Variants in SAMD11 observed in about 807,000 individuals in gnomAD.
The protein encoded by SAMD11 is sterile alpha motif domain containing 11.
Under a neutral mutation model 64.4 loss-of-function variants are expected in SAMD11, and 77 were observed. The observed-to-expected ratio is 1.20, with a 90% CI of 0.99 to 1.44. The LOEUF (loss-of-function observed/expected upper bound fraction) is 1.44, where lower values mean the gene tolerates loss of function less well. SAMD11 is among the 40% of genes most tolerant of loss of function. SAMD11 has a pLI of 0.00. For synonymous variants in SAMD11, 658 were observed against 421.9 expected (o/e 1.56, Z -6.86); for missense variants, 1,402 against 943.3 (o/e 1.49, Z -6.37).
intron 2 of SAMD11, among the ~76,000 whole-genome samples, chr1:928,365 C>T (rs192270610): frequency 3.9e-5 from 6 of 152,212 alleles, no homozygotes; most frequent in Non-Finnish European, 7.3e-5. Context: ...GCACTCCAGC[C>T]TGGGCAACAG....
Position 942,954 on chromosome 1 carries a change from G to A in SAMD11, c.1949G>A (p.Gly650Asp), listed in dbSNP as rs780693928. Residue 650 changes from glycine to aspartate, a missense_variant, in exon 11 of 14, where the codon GGC becomes GAC. By Grantham distance (94) the Gly-to-Asp change is moderately conservative. Coordinates refer to ENST00000616016, the MANE Select transcript of SAMD11 (RefSeq NM_001385641.1). The stretch of plus-strand genomic sequence containing the variant: ...GTTGGGTGCAGGGGGCCCACTCCGG[G>A]CCAAGCTCCAGCTGGAGGGGCCGGC... The part of the protein sequence containing the change: ...AAVGCRGPTP[G>D]QAPAGGAGAE... 88 of 1,546,816 alleles carry A rather than the reference G, an allele frequency of 5.7e-5. No homozygotes were observed. Among genetic ancestry groups the A allele is most frequent in the Non-Finnish European group, 7.5e-5 (86 of 1,147,070 alleles).
intron 7 of SAMD11, 34 bp downstream of exon 7, chr1:939,446 A>T (rs201782804): frequency 2.1e-6 from 3 of 1,423,774 alleles, no homozygotes; most frequent in African/African-American, 1.4e-5. Context: ...CCCCCTCATC[A>T]CCTCCCCAGC....
intron 2 of SAMD11, among the ~76,000 whole-genome samples, chr1:926,648 G>A (rs902214147): frequency 3.9e-5 from 6 of 152,178 alleles, no homozygotes; most frequent in African/African-American, 1.2e-4. Flanking sequence ...CCTCACTGAG[G>A]GAGCAGGCAG....
chr1:932,420 G>A (rs1490753228), intron 4 of SAMD11, among the ~76,000 whole-genome samples: 1 of 152,226 alleles, frequency 6.6e-6, no homozygotes, highest in East Asian at 1.9e-4. Flanking sequence ...GCCCTAGAAG[G>A]GGCTAGGATG....
intron 2 of SAMD11, among the ~76,000 whole-genome samples, chr1:927,411 C>T (rs114385913): frequency 1.3e-3 from 199 of 152,260 alleles, no homozygotes; most frequent in African/African-American, 4.5e-3. Context: ...GTGAGCATCT[C>T]CTCCCCACCC....
chr1:939,022 C>G lies in SAMD11; in HGVS notation c.968-18C>G, dbSNP rs200957513. 3 of 1,580,516 alleles carry G rather than the reference C, an allele frequency of 1.9e-6. No individual in the cohort carries two copies. The highest frequency in any genetic ancestry group is 2.3e-5 in the East Asian group (1 of 43,738). Reference sequence around the variant, plus strand: ...CCATTCCTTGAGATGCAGGTGGGCACTCACTACCCTCCCGCAGGTGACCTG... The same window carrying G: ...CCATTCCTTGAGATGCAGGTGGGCAGTCACTACCCTCCCGCAGGTGACCTG... On this transcript the variant is annotated intron_variant, in intron 5 of 13. Transcript: ENST00000616016.
chr1:926,112 C>A, intron 2 of SAMD11, 99 bp downstream of exon 2: 1 of 1,180,060 alleles, frequency 8.5e-7, no homozygotes, highest in Non-Finnish European at 1.2e-6. Flanking sequence ...CCTAACCTCA[C>A]CCCTGCGGGT....
chr1:943,463 T>C, intron 12 of SAMD11, 86 bp downstream of exon 12: 1 of 1,202,568 alleles, frequency 8.3e-7, no homozygotes, highest in Non-Finnish European at 1.2e-6. Flanking sequence ...GGTAGGGCCA[T>C]TCCCCAACGC....
chr1:937,138 C>T (rs933567251), intron 5 of SAMD11, among the ~76,000 whole-genome samples: 3 of 152,162 alleles, frequency 2.0e-5, no homozygotes, highest in Non-Finnish European at 4.4e-5. Flanking sequence ...GCCCGCTCCC[C>T]GGAGCCTCCT....
At chr1:931,189 G>A (rs1474472355) in intron 4 of SAMD11, 100 bp downstream of exon 4, 16 of 1,062,466 alleles carry the variant, frequency 1.5e-5, no homozygotes, top group East Asian at 2.6e-5. Context: ...CTGTCTCAGC[G>A]TGAGCTGATG....
At chr1:941,643 G>A (rs960057324) in intron 8 of SAMD11, among the ~76,000 whole-genome samples, 1 of 152,156 alleles carries the variant, frequency 6.6e-6, no homozygotes, top group African/African-American at 2.4e-5. Flanking sequence ...GCGCTCAAAT[G>A]TAGACGCCGG....
chr1:930,175 C>T lies in SAMD11; in HGVS notation c.630C>T (p.Asp210=). 6.4e-7 allele frequency: 1 copy of T among 1,558,906 alleles called. No individual in the cohort carries two copies. The highest frequency in any genetic ancestry group is 2.4e-5 in the East Asian group (1 of 41,840). Residue 210 remains aspartate, a synonymous_variant, in exon 3 of 14, where the codon GAC becomes GAT. Coordinates refer to ENST00000616016, the MANE Select transcript of SAMD11 (RefSeq NM_001385641.1). ...ACCAGAACCGGGGGCGGCTGGCAGACAAGAGGACAGTCGCCCTGCCTGCCG... is the reference window on the plus strand; with the variant it reads ...ACCAGAACCGGGGGCGGCTGGCAGATAAGAGGACAGTCGCCCTGCCTGCCG... ...SSPVNRGRLA[D]KRTVALPAAR...
chr1:938,624 C>T (rs570290975), intron 5 of SAMD11, among the ~76,000 whole-genome samples: 1 of 152,022 alleles, frequency 6.6e-6, no homozygotes, highest in African/African-American at 2.4e-5. Flanking sequence ...CTTGTCTCAC[C>T]CCACGCTGGC....
chr1:944,083 C>G lies in SAMD11; in HGVS notation c.2465C>G (p.Ser822Ter), dbSNP rs1642001230. 3 of 1,612,536 alleles carry G rather than the reference C, an allele frequency of 1.9e-6. No homozygotes were observed. The East Asian group carries it at 6.7e-5, about 36-fold the overall frequency. ...GGGHALAGQTSPKQENGTLAL... is the reference protein window; with the variant it reads ...GGGHALAGQT ...GGCCACGCCCTTGCCGGTCAAACTT[C>G]ACCCAAGCAGGAGAATGGGACCTTG... The change falls in exon 14 of 14, where the codon TCA becomes TGA. Residue 822 changes from serine to a stop codon, truncating the protein, a stop_gained. Transcript: ENST00000616016. LOFTEE classifies it high-confidence loss of function.
Position 924,510 on chromosome 1 carries a change from GCGCTGCCGCTGCCGC to G in SAMD11, c.87_101del (p.Leu30_Pro34del). 6.7e-6 allele frequency: 1 copy of G among 150,038 alleles called. No individual in the cohort carries two copies. Among genetic ancestry groups the G allele is most frequent in the South Asian group, 1.9e-4 (1 of 5,334 alleles). 9.3% of individuals were successfully genotyped at this position (150,038 alleles called of 1,614,324 possible). On this transcript the variant is annotated inframe_deletion, in exon 1 of 14. Coordinates refer to ENST00000616016, the MANE Select transcript of SAMD11 (RefSeq NM_001385641.1). ...GGCCACGTTCCACCCGACCCTGGCCGCGCTGCCGCTGCCGCCGCTGCCAGGCTACCTGGCGCCACT... is the reference window on the plus strand; with the variant it reads ...GGCCACGTTCCACCCGACCCTGGCCGCGCTGCCAGGCTACCTGGCGCCACT...
Position 942,541 on chromosome 1 carries a change from C to A in SAMD11, c.1554-18C>A. ...CGCGGCCCGGGAGGCGGCTGACCCG[C>A]GTCTGCCCCCGGCCCAGGCTGGAGC... On this transcript the variant is annotated intron_variant, in intron 10 of 13. Transcript: ENST00000616016. 1 of 1,405,628 alleles carries A rather than the reference C, an allele frequency of 7.1e-7. No homozygotes were observed. The highest frequency in any genetic ancestry group is 9.2e-7 in the Non-Finnish European group (1 of 1,088,928). The allele number at this position is 1,405,628 out of a possible 1,614,324, so 87.1% of individuals were successfully genotyped here. A position where few individuals can be genotyped will look rare whatever the true frequency, so the allele number is the denominator to read the frequency against.
intron 5 of SAMD11, among the ~76,000 whole-genome samples, chr1:936,926 C>T (rs1326412728): frequency 3.9e-5 from 6 of 152,190 alleles, no homozygotes; most frequent in African/African-American, 4.8e-5. Context: ...CACAGGGAGA[C>T]CTCCTCAGGT....
intron 2 of SAMD11, among the ~76,000 whole-genome samples, chr1:928,553 G>T (rs889343130): frequency 6.6e-6 from 1 of 152,248 alleles, no homozygotes; most frequent in Non-Finnish European, 1.5e-5. Context: ...CAGCTGACAC[G>T]CGGAGGCCCG....
chr1:937,555 C>T (rs868669795), intron 5 of SAMD11, among the ~76,000 whole-genome samples: 35 of 152,190 alleles, frequency 2.3e-4, no homozygotes, highest in African/African-American at 7.2e-4. Flanking sequence ...GGCCAGGTGG[C>T]AGGTGTGGAA....
Sources: gnomAD v4.1 joint callset for allele counts (sites outside exome capture counted in the v4.1 genomes callset) on GRCh38, gnomAD v4.1.1 for gene constraint, MANE v1.5 for transcripts, NCBI Gene and HGNC (gene_info 2026-07-23, HGNC 2026-07-21) for gene names.